The following ADCY3 variants were observed in gnomAD, a reference collection of about 807,000 sequenced individuals.
ADCY3 encodes adenylate cyclase 3, also known as adenylate cyclase type 3.
ADCY3 carries 70 observed loss-of-function variants against 119.4 expected under a neutral mutation model. That is an observed-to-expected ratio of 0.59 (90% CI 0.48 to 0.72). The LOEUF is 0.72. Among genes scored for constraint, ADCY3 ranks in the 30% least tolerant of loss-of-function variants. ADCY3 has a pLI of 0.00. For missense variants in ADCY3, 1,238 were observed against 1,541.6 expected (o/e 0.80, Z 3.30); for synonymous variants, 672 against 621.4 (o/e 1.08, Z -1.21).
chr2:24,852,963 C>G (rs1672516569), intron 3 of ADCY3, among the ~76,000 whole-genome samples: 1 of 150,266 alleles, frequency 6.7e-6, no homozygotes, highest in Non-Finnish European at 1.5e-5. Flanking sequence ...TTTGAGAAGT[C>G]TCTCTTGAGG....
chr2:24,914,945 C>A (rs1389197573), intron 2 of ADCY3, among the ~76,000 whole-genome samples: 1 of 152,172 alleles, frequency 6.6e-6, no homozygotes, highest in Non-Finnish European at 1.5e-5. Context: ...CTCTTCCTGT[C>A]AGAACCCCAC....
At chr2:24,917,970 G>A (rs536019539) in intron 2 of ADCY3, among the ~76,000 whole-genome samples, 2 of 152,324 alleles carry the variant, frequency 1.3e-5, no homozygotes, top group South Asian at 4.1e-4. Flanking sequence ...TCCCAAGGGA[G>A]GTCCTCCTTG....
chr2:24,880,530 C>T (rs2148870514), intron 2 of ADCY3, among the ~76,000 whole-genome samples: 1 of 152,364 alleles, frequency 6.6e-6, no homozygotes, highest in Middle Eastern at 3.4e-3. Flanking sequence ...TATGACGAGT[C>T]TGTGACCTTA....
At chr2:24,886,194 A>G (rs970701356) in intron 2 of ADCY3, among the ~76,000 whole-genome samples, 1 of 152,206 alleles carries the variant, frequency 6.6e-6, no homozygotes, top group African/African-American at 2.4e-5. Context: ...AGCACCCAGC[A>G]CGCTGTCTGC....
intron 18 of ADCY3, 82 bp downstream of exon 18, chr2:24,823,127 C>G (rs916682095): frequency 9.4e-6 from 14 of 1,490,950 alleles, no homozygotes; most frequent in Non-Finnish European, 1.3e-5. Flanking sequence ...GCCAGTTTCT[C>G]TGGCCTCTGC....
chr2:24,892,092 AAT>A (rs1435381387), intron 2 of ADCY3, among the ~76,000 whole-genome samples: 5 of 152,128 alleles, frequency 3.3e-5, no homozygotes, highest in South Asian at 2.1e-4. Flanking sequence ...CATTTAATTC[AAT>A]ATGTTTTCTA....
chr2:24,874,196 G>A (rs1475004957), intron 2 of ADCY3, among the ~76,000 whole-genome samples: 4 of 152,188 alleles, frequency 2.6e-5, no homozygotes, highest in African/African-American at 7.2e-5. Flanking sequence ...ACAAGGGCCC[G>A]TTGCGTGACG....
Position 24,919,197 on chromosome 2 carries a change from T to C in ADCY3, c.-197-13A>G. 3 of 582,260 alleles carry C rather than the reference T, an allele frequency of 5.2e-6. No homozygotes were observed. The South Asian group carries it at 6.3e-5, about 12-fold the overall frequency. 36.1% of individuals were successfully genotyped at this position (582,260 alleles called of 1,614,324 possible). ...TGATCAGCTAGAACTGAAAAGGGCA[T>C]TGCTGAGTAGAAGCACCTCTTCCCT... On this transcript the variant is annotated splice_polypyrimidine_tract_variant and intron_variant, in intron 1 of 21. Transcript: ENST00000679454. The surrounding 1 kb of genome is among the most constrained non-coding windows in gnomAD (Gnocchi z 5.5).
chr2:24,913,519 A>G (rs1282999674), intron 2 of ADCY3, among the ~76,000 whole-genome samples: 4 of 152,140 alleles, frequency 2.6e-5, no homozygotes. Context: ...CTCACTCATC[A>G]GTGACCCCTC....
Position 24,841,481 on chromosome 2 carries a change from G to A in ADCY3, c.1068+75C>T, listed in dbSNP as rs1671007202. On this transcript the variant is annotated intron_variant, in intron 5 of 21. Transcript: ENST00000679454. The surrounding 1 kb of genome is among the most constrained non-coding windows in gnomAD (Gnocchi z 5.8). ...GGAAGGACAGTGGGAGAAAATCATG[G>A]GGCCGGGGATGGGGGCCAGGCAGAG... The A allele has an allele frequency of 1.5e-5, 24 of 1,589,384 alleles. 1 individual carries two copies. In the South Asian group the frequency reaches 2.5e-4, roughly 16 times the overall value.
In ADCY3 at chr2:24,830,774, A is replaced by G; in HGVS notation, c.2107T>C (p.Trp703Arg). ...AFSTWIDRTR[W>R]ARNTWAMLAI... ...AGCATGGCCCAGGTGTTCCTGGCCCAGCGGGTCCGGTCAATCCAAGTTGAG... is the reference window on the plus strand; with the variant it reads ...AGCATGGCCCAGGTGTTCCTGGCCCGGCGGGTCCGGTCAATCCAAGTTGAG... Residue 703 changes from tryptophan to arginine, a missense_variant, in exon 13 of 22, where the codon TGG becomes CGG. Physicochemically the swap from Trp to Arg is moderately radical, Grantham distance 101 (BLOSUM62 -3). This residue lies in a region of ADCY3 where 499 missense variants were observed against 571.0 expected (regional missense o/e 0.87). Transcript: ENST00000679454. 3 of 1,614,130 alleles carry G rather than the reference A, an allele frequency of 1.9e-6. No homozygotes were observed. Among genetic ancestry groups the G allele is most frequent in the Non-Finnish European group, 2.5e-6 (3 of 1,180,012 alleles).
At position 24,919,149 on chromosome 2, in the gene ADCY3, G is replaced by T; in HGVS notation, c.-162C>A. 1.3e-5 allele frequency: 9 copies of T among 682,386 alleles called. No homozygotes were observed. Among genetic ancestry groups the T allele is most frequent in the Non-Finnish European group, 2.2e-5 (9 of 411,856 alleles). The allele number at this position is 682,386 out of a possible 1,614,324, so 42.3% of individuals were successfully genotyped here. A position where few individuals can be genotyped will look rare whatever the true frequency, so the allele number is the denominator to read the frequency against. Reference sequence around the variant, plus strand: ...CCACCTCCAGCAGGAACGCAGAGCGGGTTTCCAGAGCACAGGTAGCACTGA... The same window carrying T: ...CCACCTCCAGCAGGAACGCAGAGCGTGTTTCCAGAGCACAGGTAGCACTGA... On this transcript the variant is annotated 5_prime_UTR_variant, in exon 2 of 22. Coordinates refer to ENST00000679454, the MANE Select transcript of ADCY3 (RefSeq NM_004036.5). This position sits in a 1 kb window ranked among gnomAD's most constrained non-coding sequence, Gnocchi z 5.5.
intron 2 of ADCY3, among the ~76,000 whole-genome samples, chr2:24,906,513 G>A (rs1679456651): frequency 1.3e-5 from 2 of 152,194 alleles, no homozygotes. Context: ...GGCACTGAAG[G>A]GTGAGGCTGT....
chr2:24,913,984 C>A (rs1398070105), intron 2 of ADCY3, among the ~76,000 whole-genome samples: 2 of 149,850 alleles, frequency 1.3e-5, no homozygotes, highest in African/African-American at 2.5e-5. Context: ...ACCATCCTGG[C>A]TGCCTTCCCC....
chr2:24,903,643 G>A (rs1679158267), intron 2 of ADCY3, among the ~76,000 whole-genome samples: 1 of 152,178 alleles, frequency 6.6e-6, no homozygotes, highest in Non-Finnish European at 1.5e-5. Flanking sequence ...CTAGTCCTCA[G>A]AGAGTCATCA....
At chr2:24,839,841 C>T in intron 7 of ADCY3, 32 bp downstream of exon 7, 3 of 1,613,504 alleles carry the variant, frequency 1.9e-6, no homozygotes, top group Non-Finnish European at 2.5e-6. Flanking sequence ...CCTCCCCAGT[C>T]CTCAAACCTG....
At chr2:24,884,312 C>CT (rs1464587665) in intron 2 of ADCY3, among the ~76,000 whole-genome samples, 17 of 152,212 alleles carry the variant, frequency 1.1e-4, no homozygotes, top group African/African-American at 4.1e-4. Flanking sequence ...TCTACAGAAT[C>CT]ACTGTTCAAG....
In ADCY3 at chr2:24,898,116, C is replaced by T. The variant is rs191239306; in HGVS notation, c.675+20197G>A. On this transcript the variant is annotated intron_variant, in intron 2 of 21. Transcript: ENST00000679454. This position sits in a 1 kb window ranked among gnomAD's most constrained non-coding sequence, Gnocchi z 4.3. ...TCCAGTCAGAGGTTCTCCACTACCC[C>T]GTCTATGTTCACCCCCAGACCTTTG... Among the ~76,000 whole-genome samples, 2 of 152,152 alleles carry T rather than the reference C, an allele frequency of 1.3e-5. No individual in the cohort carries two copies. Among genetic ancestry groups the T allele is most frequent in the Non-Finnish European group, 2.9e-5 (2 of 68,022 alleles).
At chr2:24,850,923 A>G (rs996697580) in intron 3 of ADCY3, among the ~76,000 whole-genome samples, 2 of 152,236 alleles carry the variant, frequency 1.3e-5, no homozygotes, top group Admixed American at 6.5e-5. Flanking sequence ...GTGTGCATAG[A>G]AATAAAGGCA....
Sources: allele counts gnomAD v4.1 joint callset (sites outside exome capture counted in the v4.1 genomes callset), GRCh38; gene constraint gnomAD v4.1.1; regional missense constraint gnomAD v4.1.1; non-coding constraint Gnocchi (gnomAD v3.1); transcripts MANE v1.5; gene names NCBI Gene and HGNC (gene_info 2026-07-23, HGNC 2026-07-21).